The following FARS2 variants were observed in gnomAD, a reference collection of about 807,000 sequenced individuals.
FARS2 encodes the protein phenylalanyl-tRNA synthetase 2, mitochondrial.
FARS2 carries 40 observed loss-of-function variants against 46.4 expected under a neutral mutation model. The ratio of observed to expected loss-of-function variants is 0.86; its 90% confidence interval spans 0.67 to 1.12. The LOEUF is 1.12. Among genes scored for constraint, FARS2 ranks in the 50% most tolerant of loss-of-function variants. The pLI, the probability that FARS2 is intolerant of heterozygous loss-of-function variation, is 0.00. For missense variants in FARS2, 513 were observed against 567.9 expected (o/e 0.90, Z 0.98); for synonymous variants, 234 against 214.9 (o/e 1.09, Z -0.78).
chr6:5,290,397 A>G (rs552357562), intron 1 of FARS2, among the ~76,000 whole-genome samples: 1 of 152,258 alleles, frequency 6.6e-6, no homozygotes, highest in East Asian at 1.9e-4. Context: ...GAGATTGCAA[A>G]CTCCATGGCA....
At chr6:5,279,055 G>C (rs1312296534) in intron 1 of FARS2, among the ~76,000 whole-genome samples, 1 of 152,116 alleles carries the variant, frequency 6.6e-6, no homozygotes, top group African/African-American at 2.4e-5. Flanking sequence ...ATGGTGTGCT[G>C]TGATGAACAC....
chr6:5,486,887 C>A (rs1766806150), intron 4 of FARS2, among the ~76,000 whole-genome samples: 1 of 152,110 alleles, frequency 6.6e-6, no homozygotes, highest in Non-Finnish European at 1.5e-5. Context: ...ATGATAATGG[C>A]AGTATTATTA....
At chr6:5,409,829 C>G (rs549035165) in intron 3 of FARS2, among the ~76,000 whole-genome samples, 2 of 152,338 alleles carry the variant, frequency 1.3e-5, no homozygotes, top group South Asian at 2.1e-4. Context: ...CATTCACACA[C>G]CCTTGCCATG....
chr6:5,529,142 A>G (rs1225432865), intron 4 of FARS2, among the ~76,000 whole-genome samples: 2 of 152,186 alleles, frequency 1.3e-5, no homozygotes, highest in African/African-American at 4.8e-5. Context: ...TTTCTTATCT[A>G]TAAAATGGAG....
At chr6:5,649,058 T>C (rs1582667866) in intron 6 of FARS2, among the ~76,000 whole-genome samples, 1 of 152,244 alleles carries the variant, frequency 6.6e-6, no homozygotes, top group Non-Finnish European at 1.5e-5. Context: ...CTACAAAATG[T>C]CTTTTCAAAG....
At chr6:5,571,620 C>G (rs963649118) in intron 5 of FARS2, among the ~76,000 whole-genome samples, 2 of 152,300 alleles carry the variant, frequency 1.3e-5, no homozygotes, top group Non-Finnish European at 2.9e-5. Flanking sequence ...CTCTAGCACC[C>G]GGCTGGGGTT....
chr6:5,683,161 GAAGAGGGT>G (rs1302455545), intron 6 of FARS2, among the ~76,000 whole-genome samples: 3 of 152,232 alleles, frequency 2.0e-5, no homozygotes, highest in African/African-American at 7.2e-5. Flanking sequence ...GACTGTCAGA[GAAGAGGGT>G]AGCAGAGGGC....
intron 4 of FARS2, among the ~76,000 whole-genome samples, chr6:5,536,743 G>T (rs1434456762): frequency 6.6e-6 from 1 of 152,222 alleles, no homozygotes; most frequent in Non-Finnish European, 1.5e-5. Flanking sequence ...TCACTGATTA[G>T]AATTATAGAT....
intron 5 of FARS2, among the ~76,000 whole-genome samples, chr6:5,556,464 C>T (rs9504434): frequency 0.16 from 23,999 of 151,664 alleles, 2,761 homozygotes; most frequent in East Asian, 0.29. Context: ...TTTGCCAACA[C>T]TGATACTGTA....
In FARS2 at chr6:5,711,071, A is replaced by G. The variant is rs77087810; in HGVS notation, c.1218-60220A>G. On this transcript the variant is annotated intron_variant, in intron 6 of 6. Coordinates refer to ENST00000274680, the MANE Select transcript of FARS2 (RefSeq NM_006567.5). ...ATAGTTAATGCAGTAATAATATAATACAAATATCTCATAATGCCAGAAAAT... is the reference window on the plus strand; with the variant it reads ...ATAGTTAATGCAGTAATAATATAATGCAAATATCTCATAATGCCAGAAAAT... Among the ~76,000 whole-genome samples the G allele has an allele frequency of 8.0e-3, 1,218 of 152,320 alleles. 83 individuals carry two copies. In the East Asian group the frequency reaches 0.18, roughly 22 times the overall value.
rs74423354 is a variant in FARS2 at position 5,632,788 on chromosome 6, A to G, written c.1217+19468A>G. Among the ~76,000 whole-genome samples the G allele has an allele frequency of 4.6e-3, 695 of 152,134 alleles. 2 individuals carry two copies. The highest frequency in any genetic ancestry group is 0.016 in the African/African-American group (669 of 41,488). On this transcript the variant is annotated intron_variant, in intron 6 of 6. Coordinates refer to ENST00000274680, the MANE Select transcript of FARS2 (RefSeq NM_006567.5). ...TTTGGCCATTTATGTACTGCTTTGG[A>G]GAAACATCTGTTTAAGTCCTTTGCC...
At chr6:5,506,825 A>G (rs1356040861) in intron 4 of FARS2, among the ~76,000 whole-genome samples, 2 of 152,226 alleles carry the variant, frequency 1.3e-5, no homozygotes, top group Admixed American at 1.3e-4. Context: ...GAACAATAAG[A>G]TAGCAGGGGA....
rs546159977 is a variant in FARS2 at position 5,495,522 on chromosome 6, G to C, written c.905-49658G>C. ...TGGGGTCTAGTCTAATAGAAACATG[G>C]AAAGGTGCAAAAAAAGAATCTGGAG... On this transcript the variant is annotated intron_variant, in intron 4 of 6. Coordinates refer to ENST00000274680, the MANE Select transcript of FARS2 (RefSeq NM_006567.5). Among the ~76,000 whole-genome samples, 7 of 152,264 alleles carry C rather than the reference G, an allele frequency of 4.6e-5. 2 individuals are homozygous for C. Among genetic ancestry groups the C allele is most frequent in the African/African-American group, 1.7e-4 (7 of 41,574 alleles).
chr6:5,321,786 T>G (rs906536414), intron 1 of FARS2, among the ~76,000 whole-genome samples: 2 of 152,226 alleles, frequency 1.3e-5, no homozygotes, highest in African/African-American at 4.8e-5. Flanking sequence ...TAAATCTGCC[T>G]TATATATTGA....
intron 6 of FARS2, among the ~76,000 whole-genome samples, chr6:5,628,383 A>T (rs1561763711): frequency 6.6e-6 from 1 of 152,156 alleles, no homozygotes; most frequent in South Asian, 2.1e-4. Context: ...AGACCATCCT[A>T]TTTGGAGTGA....
At chr6:5,443,038 A>G (rs991351400) in intron 4 of FARS2, among the ~76,000 whole-genome samples, 4 of 152,194 alleles carry the variant, frequency 2.6e-5, no homozygotes, top group African/African-American at 9.6e-5. Flanking sequence ...TCTGTCCTGT[A>G]TGTTCATTTC....
In FARS2 at chr6:5,342,405, A is replaced by G. The variant is rs369597803; in HGVS notation, c.-21-26145A>G. ...ATGGTAAAATGTTCTAAGTGCTGAT[A>G]CTAACAGCCAGACAACTGAGACAAT... On this transcript the variant is annotated intron_variant, in intron 1 of 6. Coordinates refer to ENST00000274680, the MANE Select transcript of FARS2 (RefSeq NM_006567.5). Among the ~76,000 whole-genome samples the G allele has an allele frequency of 2.4e-4, 36 of 152,366 alleles. No individual in the cohort carries two copies. The South Asian group carries it at 6.4e-3, about 27-fold the overall frequency.
At chr6:5,550,223 G>T (rs1176724876) in intron 5 of FARS2, among the ~76,000 whole-genome samples, 1 of 152,160 alleles carries the variant, frequency 6.6e-6, no homozygotes, top group Admixed American at 6.5e-5. Context: ...GTGGCCCTTG[G>T]CTTCACCCAT....
chr6:5,546,354 A>C (rs946346999), intron 5 of FARS2, among the ~76,000 whole-genome samples: 6 of 150,764 alleles, frequency 4.0e-5, no homozygotes, highest in African/African-American at 9.8e-5. Context: ...GGGTTCAAGC[A>C]ATTCTCCTGC....
Sources: allele counts gnomAD v4.1 joint callset (sites outside exome capture counted in the v4.1 genomes callset), GRCh38; gene constraint gnomAD v4.1.1; transcripts MANE v1.5; gene names NCBI Gene and HGNC (gene_info 2026-07-23, HGNC 2026-07-21).